PDZD2: variants seen among roughly 807,000 people sequenced by gnomAD.
PDZD2 encodes the protein PDZ domain containing 2, also known as PDZ domain-containing protein 2.
In PDZD2, 90 loss-of-function variants were observed where a neutral mutation model predicts 220.7. That is an observed-to-expected ratio of 0.41 (90% CI 0.34 to 0.49). The LOEUF is 0.49. Ranked by LOEUF, PDZD2 falls within the 20% of genes least tolerant of loss-of-function variation. PDZD2 has a pLI of 0.28. For missense variants in PDZD2, 3,174 were observed against 3,608.5 expected (o/e 0.88, Z 3.08); for synonymous variants, 1,375 against 1,450.5 (o/e 0.95, Z 1.18).
In PDZD2 at chr5:31,799,171, C is replaced by G. The variant is rs900215947; in HGVS notation, c.-78C>G. The G allele has an allele frequency of 5.3e-6, 5 of 940,484 alleles. No homozygotes were observed. The East Asian group carries it at 1.3e-4, about 24-fold the overall frequency. The allele number at this position is 940,484 out of a possible 1,614,324, so 58.3% of individuals were successfully genotyped here. On this transcript the variant is annotated 5_prime_UTR_variant, in exon 2 of 25. Coordinates refer to ENST00000438447, the MANE Select transcript of PDZD2 (RefSeq NM_178140.4). Reference sequence around the variant, plus strand: ...CAAAGCTGATGATGGCCAGGGACCCCAGGGGACGTGGGGCCCTGTGGGGTC... The same window carrying G: ...CAAAGCTGATGATGGCCAGGGACCCGAGGGGACGTGGGGCCCTGTGGGGTC...
chr5:32,079,393 G>A (rs553905983), intron 19 of PDZD2, among the ~76,000 whole-genome samples: 147 of 152,006 alleles, frequency 9.7e-4, no homozygotes, highest in Non-Finnish European at 1.6e-3. Flanking sequence ...TGGGAGTCCC[G>A]GCAGTCCTCC....
chr5:32,082,166 C>T (rs899958062), intron 19 of PDZD2, among the ~76,000 whole-genome samples: 5 of 151,812 alleles, frequency 3.3e-5, no homozygotes, highest in Non-Finnish European at 7.4e-5. Context: ...GGATTACAGG[C>T]GCCCACCACC....
chr5:31,810,397 G>GACT (rs1755028837), intron 2 of PDZD2, among the ~76,000 whole-genome samples: 1 of 151,298 alleles, frequency 6.6e-6, no homozygotes, highest in Non-Finnish European at 1.5e-5. Context: ...CGAGTAGCTG[G>GACT]GACTACAGGT....
intron 7 of PDZD2, 90 bp downstream of exon 7, chr5:32,037,432 C>A: frequency 1.4e-6 from 1 of 738,940 alleles, no homozygotes; most frequent in East Asian, 2.5e-5. Context: ...GGATGAGCTC[C>A]CGTCTTCCTT....
intron 2 of PDZD2, among the ~76,000 whole-genome samples, chr5:31,947,219 T>C (rs941819969): frequency 4.6e-5 from 7 of 152,214 alleles, no homozygotes; most frequent in South Asian, 4.1e-4. Flanking sequence ...CTATGTGTAC[T>C]CTCTGGTTGT....
At chr5:31,650,554 T>A (rs1745312347) in intron 1 of PDZD2, among the ~76,000 whole-genome samples, 1 of 152,172 alleles carries the variant, frequency 6.6e-6, no homozygotes, top group African/African-American at 2.4e-5. Context: ...GTGTACTACT[T>A]CTCTGAAAAG....
chr5:31,797,651 A>C (rs1580776313), intron 1 of PDZD2, among the ~76,000 whole-genome samples: 1 of 152,270 alleles, frequency 6.6e-6, no homozygotes, highest in Middle Eastern at 3.4e-3. Flanking sequence ...CTTTTTAACA[A>C]CCATGTGATT....
chr5:32,090,669 C>T lies in PDZD2; in HGVS notation c.7221C>T (p.Ala2407=), dbSNP rs200764853. 432 of 1,614,086 alleles carry T rather than the reference C, an allele frequency of 2.7e-4. 5 individuals carry two copies. In the Admixed American group the frequency reaches 6.5e-3, roughly 24 times the overall value. The change falls in exon 20 of 25, where the codon GCC becomes GCT. Residue 2407 remains alanine (A), a synonymous_variant. Coordinates refer to ENST00000438447, the MANE Select transcript of PDZD2 (RefSeq NM_178140.4). This position sits in a 1 kb window ranked among gnomAD's most constrained non-coding sequence, Gnocchi z 4.3. Reference sequence around the variant, plus strand: ...CCTGCAGCGAAAACCAAAGCGAAGCCGGCACCCTCCTGCCCCAGATGGCCA... The same window carrying T: ...CCTGCAGCGAAAACCAAAGCGAAGCTGGCACCCTCCTGCCCCAGATGGCCA... The part of the protein sequence containing the change: ...LSSCSENQSE[A]GTLLPQMAKS...
intron 2 of PDZD2, among the ~76,000 whole-genome samples, chr5:31,954,551 G>T (rs1250419645): frequency 6.6e-6 from 1 of 152,134 alleles, no homozygotes. Context: ...GGCTTTGGAA[G>T]AGTCAGGGAC....
chr5:31,718,095 C>T (rs866841117), intron 1 of PDZD2, among the ~76,000 whole-genome samples: 2 of 152,146 alleles, frequency 1.3e-5, no homozygotes, highest in East Asian at 3.8e-4. Context: ...TCACTCTTTT[C>T]GCTGGTTTTG....
intron 2 of PDZD2, among the ~76,000 whole-genome samples, chr5:31,854,681 T>G (rs1388558989): frequency 6.6e-6 from 1 of 152,058 alleles, no homozygotes. Flanking sequence ...CTGCTCCAGG[T>G]TTGCCCCAGG....
intron 2 of PDZD2, among the ~76,000 whole-genome samples, chr5:31,865,816 A>G (rs950951025): frequency 6.6e-6 from 1 of 150,782 alleles, no homozygotes; most frequent in Admixed American, 6.6e-5. Context: ...TATTTTTAGT[A>G]GAGGCTGGGT....
intron 2 of PDZD2, among the ~76,000 whole-genome samples, chr5:31,968,331 C>T (rs926297895): frequency 6.6e-6 from 1 of 152,094 alleles, no homozygotes; most frequent in African/African-American, 2.4e-5. Context: ...GTGCTCCAGC[C>T]TGGGCGACAG....
Position 31,775,684 on chromosome 5 carries a change from T to TGTGTGA in PDZD2, c.-360-23200_-360-23199insAGTGTG, listed in dbSNP as rs1554073342. On this transcript the variant is annotated intron_variant, in intron 1 of 24. Transcript: ENST00000438447. ...CAGAGCGTGTGTGTGTGTGTGTGTGTGTGTGTGTGTGTGTGTGTGTGTAGT... is the reference window on the plus strand; with the variant it reads ...CAGAGCGTGTGTGTGTGTGTGTGTGTGTGTGAGTGTGTGTGTGTGTGTGTGTGTAGT... Among the ~76,000 whole-genome samples, 121 of 151,308 alleles carry TGTGTGA rather than the reference T, an allele frequency of 8.0e-4. 1 individual carries two copies. The highest frequency in any genetic ancestry group is 2.7e-3 in the African/African-American group (113 of 41,134).
At chr5:31,703,303 A>G (rs1267762946) in intron 1 of PDZD2, among the ~76,000 whole-genome samples, 1 of 152,262 alleles carries the variant, frequency 6.6e-6, no homozygotes, top group African/African-American at 2.4e-5. Context: ...GCCATAAAAA[A>G]GAATGAGTTC....
At chr5:32,042,208 G>C in intron 7 of PDZD2, among the ~76,000 whole-genome samples, 1 of 145,770 alleles carries the variant, frequency 6.9e-6, no homozygotes, top group East Asian at 2.1e-4. Flanking sequence ...CTTGCAGTGA[G>C]CCGAGATTGC....
intron 2 of PDZD2, among the ~76,000 whole-genome samples, chr5:31,952,965 G>A (rs1385364954): frequency 2.0e-5 from 3 of 151,688 alleles, no homozygotes; most frequent in Non-Finnish European, 4.4e-5. Flanking sequence ...GGCAGAGACA[G>A]GAGAATTGCT....
At chr5:32,068,444 T>G (rs985436651) in intron 14 of PDZD2, among the ~76,000 whole-genome samples, 19 of 152,250 alleles carry the variant, frequency 1.2e-4, no homozygotes, top group African/African-American at 4.6e-4. Flanking sequence ...CCATGCACAC[T>G]ATTACATAGT....
chr5:32,013,525 G>A (rs955317830), intron 6 of PDZD2, among the ~76,000 whole-genome samples: 2 of 151,972 alleles, frequency 1.3e-5, no homozygotes, highest in Non-Finnish European at 2.9e-5. Flanking sequence ...TTCTTCAAGG[G>A]AATGTCAATG....
Sources: gnomAD v4.1 joint callset for allele counts (sites outside exome capture counted in the v4.1 genomes callset) on GRCh38, gnomAD v4.1.1 for gene constraint, Gnocchi (gnomAD v3.1) non-coding constraint, MANE v1.5 for transcripts, NCBI Gene and HGNC (gene_info 2026-07-23, HGNC 2026-07-21) for gene names.